The following UBE2B variants were observed in gnomAD, a reference collection of about 807,000 sequenced individuals.
UBE2B encodes the protein ubiquitin conjugating enzyme E2 B.
Under a neutral mutation model 24.6 loss-of-function variants are expected in UBE2B, and 11 were observed. The observed-to-expected ratio is 0.45, with a 90% confidence interval of 0.28 to 0.74. UBE2B has a LOEUF of 0.74. Among genes scored for constraint, UBE2B ranks in the 30% least tolerant of loss-of-function variants. UBE2B has a pLI of 0.13. For synonymous variants in UBE2B, 68 were observed against 62.4 expected (o/e 1.09, Z -0.42); for missense variants, 78 against 185.6 (o/e 0.42, Z 3.37).
chr5:134,384,891 C>T (rs35731396), intron 4 of UBE2B, among the ~76,000 whole-genome samples: 380 of 152,224 alleles, frequency 2.5e-3, no homozygotes, highest in African/African-American at 8.5e-3. Flanking sequence ...TTACCCCTAA[C>T]GTGTTTTCCC....
At chr5:134,383,600 A>T (rs1415923085) in intron 4 of UBE2B, among the ~76,000 whole-genome samples, 3 of 146,716 alleles carry the variant, frequency 2.0e-5, no homozygotes, top group Non-Finnish European at 3.0e-5. Context: ...CTCTTGCCTC[A>T]GCCTCCCAAA....
intron 4 of UBE2B, among the ~76,000 whole-genome samples, chr5:134,381,844 T>C (rs1272225855): frequency 2.0e-5 from 3 of 152,196 alleles, no homozygotes; most frequent in Non-Finnish European, 4.4e-5. Context: ...CTCAGGAGGC[T>C]GAGACAGGAG....
At chr5:134,386,335 G>GA (rs941869472) in intron 4 of UBE2B, among the ~76,000 whole-genome samples, 78 of 117,154 alleles carry the variant, frequency 6.7e-4, no homozygotes, top group Middle Eastern at 5.2e-3. Context: ...CTCAAAAAAA[G>GA]AAAAAAAAAA....
chr5:134,377,562 G>A (rs1199939293), intron 3 of UBE2B, among the ~76,000 whole-genome samples: 1 of 152,198 alleles, frequency 6.6e-6, no homozygotes, highest in African/African-American at 2.4e-5. Flanking sequence ...ATATATGCAT[G>A]TGTGTCTATG....
At chr5:134,383,126 C>G (rs542627346) in intron 4 of UBE2B, among the ~76,000 whole-genome samples, 1 of 152,238 alleles carries the variant, frequency 6.6e-6, no homozygotes, top group Non-Finnish European at 1.5e-5. Context: ...GATCGCGCCA[C>G]TGCACTCCAG....
At chr5:134,375,624 G>A (rs1200691394) in intron 2 of UBE2B, among the ~76,000 whole-genome samples, 2 of 151,690 alleles carry the variant, frequency 1.3e-5, no homozygotes, top group African/African-American at 4.8e-5. Context: ...GTGAAACCCC[G>A]TCTCTACTGA....
intron 4 of UBE2B, among the ~76,000 whole-genome samples, chr5:134,383,312 A>AT (rs1468589043): frequency 1.3e-5 from 2 of 152,010 alleles, no homozygotes; most frequent in African/African-American, 2.4e-5. Context: ...AAAATCTTAA[A>AT]AATTTTTTTG....
intron 4 of UBE2B, among the ~76,000 whole-genome samples, chr5:134,383,957 A>T (rs940053856): frequency 2.6e-5 from 4 of 152,032 alleles, no homozygotes; most frequent in African/African-American, 9.7e-5. Context: ...CACTTCATAG[A>T]GTAGTTTGTT....
intron 4 of UBE2B, among the ~76,000 whole-genome samples, chr5:134,386,506 C>T (rs1277299762): frequency 6.6e-6 from 1 of 151,890 alleles, no homozygotes; most frequent in Non-Finnish European, 1.5e-5. Context: ...GTGGTGGGCA[C>T]CTGTAATCCC....
At chr5:134,380,691 T>C in intron 3 of UBE2B, 28 bp from the exon 4 acceptor site, 1 of 1,320,310 alleles carries the variant, frequency 7.6e-7, no homozygotes, top group South Asian at 1.2e-5. Context: ...TGCTTGTCTT[T>C]ACTATAATTA....
chr5:134,374,209 G>GTA (rs1758556507), intron 1 of UBE2B, among the ~76,000 whole-genome samples, 174 bp from the exon 2 acceptor site: 1 of 152,176 alleles, frequency 6.6e-6, no homozygotes, highest in South Asian at 2.1e-4. Context: ...TATTTAATAA[G>GTA]TATATATACC....
chr5:134,372,214 T>C (rs1406855970), intron 1 of UBE2B, among the ~76,000 whole-genome samples: 2 of 152,162 alleles, frequency 1.3e-5, no homozygotes, highest in Admixed American at 6.5e-5. Context: ...TGAAAGGACC[T>C]TGGGAACTGA....
In UBE2B at chr5:134,380,341, G is replaced by A. The variant is rs1404191875; in HGVS notation, c.152-378G>A. Among the ~76,000 whole-genome samples the A allele has an allele frequency of 2.0e-5, 3 of 152,126 alleles. No individual in the cohort carries two copies. In the East Asian group the frequency reaches 5.8e-4, roughly 29 times the overall value. Reference sequence around the variant, plus strand: ...CACTGCAACCTCCACCTCCTGGGAGGGTCCTTTGCCATGTGGTAGTCAGAC... The same window carrying A: ...CACTGCAACCTCCACCTCCTGGGAGAGTCCTTTGCCATGTGGTAGTCAGAC... On this transcript the variant is annotated intron_variant, in intron 3 of 5. Transcript: ENST00000265339.
intron 3 of UBE2B, among the ~76,000 whole-genome samples, chr5:134,377,613 T>TG (rs35324424): frequency 0.01 from 1,571 of 151,766 alleles, 15 homozygotes; most frequent in African/African-American, 0.031. Flanking sequence ...TGATTATCTG[T>TG]GGGGGGGGTA....
intron 5 of UBE2B, 103 bp downstream of exon 5, chr5:134,388,516 A>G (rs1453179829): frequency 8.6e-6 from 9 of 1,049,054 alleles, no homozygotes; most frequent in Admixed American, 5.5e-5. Flanking sequence ...ACAAGAATCC[A>G]TGCTTTTCAG....
chr5:134,383,732 T>C (rs1033976359), intron 4 of UBE2B, among the ~76,000 whole-genome samples: 3 of 152,110 alleles, frequency 2.0e-5, no homozygotes, highest in Non-Finnish European at 4.4e-5. Context: ...AATGTTGGGA[T>C]TACAGGTGTG....
chr5:134,387,250 G>A (rs1023570083), intron 4 of UBE2B, among the ~76,000 whole-genome samples: 9 of 152,104 alleles, frequency 5.9e-5, no homozygotes, highest in Admixed American at 2.0e-4. Flanking sequence ...GAGCCACTGC[G>A]CCTGGCCTTC....
chr5:134,371,592 G>C lies in UBE2B; in HGVS notation c.-4G>C, dbSNP rs758279890. On this transcript the variant is annotated 5_prime_UTR_variant, in exon 1 of 6. Transcript: ENST00000265339. ...TCAGACTGACCGCGGGGCAGCTGCG[G>C]AGCATGTCGACCCCGGCCCGGAGGA... 1 of 1,612,862 alleles carries C rather than the reference G, an allele frequency of 6.2e-7. No individual in the cohort carries two copies. The highest frequency in any genetic ancestry group is 1.1e-5 in the South Asian group (1 of 91,068).
At chr5:134,385,182 TAC>T (rs1174239016) in intron 4 of UBE2B, among the ~76,000 whole-genome samples, 4 of 152,276 alleles carry the variant, frequency 2.6e-5, no homozygotes, top group Non-Finnish European at 5.9e-5. Context: ...TTATGGGTTT[TAC>T]AGAGTTACTA....
Sources: gnomAD v4.1 joint callset for allele counts (sites outside exome capture counted in the v4.1 genomes callset) on GRCh38, gnomAD v4.1.1 for gene constraint, MANE v1.5 for transcripts, NCBI Gene and HGNC (gene_info 2026-07-23, HGNC 2026-07-21) for gene names.